Variants in PRKCQ observed in about 807,000 individuals in gnomAD.
The protein encoded by PRKCQ is protein kinase C theta type.
A neutral mutation model predicts 91.2 loss-of-function variants in PRKCQ; 41 were observed. The observed-to-expected ratio is 0.45, with a 90% confidence interval of 0.35 to 0.58. PRKCQ has a LOEUF of 0.58. PRKCQ is among the 20% of genes least tolerant of loss of function. The pLI is 0.00. For missense variants in PRKCQ, 673 were observed against 896.5 expected (o/e 0.75, Z 3.18); for synonymous variants, 307 against 316.9 (o/e 0.97, Z 0.33).
At chr10:6,489,139 T>C (rs562068904) in intron 8 of PRKCQ, among the ~76,000 whole-genome samples, 4 of 152,238 alleles carry the variant, frequency 2.6e-5, no homozygotes, top group South Asian at 2.1e-4. Flanking sequence ...AAATTCCACA[T>C]TGTCGGCAAA....
At chr10:6,482,542 G>A (rs1479787768) in intron 11 of PRKCQ, among the ~76,000 whole-genome samples, 1 of 152,180 alleles carries the variant, frequency 6.6e-6, no homozygotes, top group African/African-American at 2.4e-5. Flanking sequence ...AAACAACCCA[G>A]ACAACACCTT....
chr10:6,416,879 A>G, the PRKCQ span, among the ~76,000 whole-genome samples: 2 of 152,144 alleles, frequency 1.3e-5, no homozygotes, highest in Non-Finnish European at 2.9e-5. Context: ...AACATCTATT[A>G]TTTTTTGACT....
chr10:6,419,835 C>T, the PRKCQ span, among the ~76,000 whole-genome samples: 1 of 151,896 alleles, frequency 6.6e-6, no homozygotes, highest in Non-Finnish European at 1.5e-5. Flanking sequence ...ATTACAGGTG[C>T]ATGCCACCAT....
chr10:6,394,256 G>A, the PRKCQ span, among the ~76,000 whole-genome samples: 3 of 152,154 alleles, frequency 2.0e-5, no homozygotes, highest in South Asian at 4.1e-4. Flanking sequence ...TCCCCCATCT[G>A]CCTTTGTTGT....
intron 15 of PRKCQ, among the ~76,000 whole-genome samples, chr10:6,445,696 C>T (rs1178227294): frequency 6.6e-6 from 1 of 152,164 alleles, no homozygotes; most frequent in Non-Finnish European, 1.5e-5. Context: ...ACTCTTACCT[C>T]GATATTTACA....
downstream of PRKCQ, among the ~76,000 whole-genome samples, chr10:6,422,458 G>A (rs1171089087): frequency 6.6e-6 from 1 of 152,118 alleles, no homozygotes; most frequent in African/African-American, 2.4e-5. Flanking sequence ...TCCCCTTATG[G>A]TGATAGAGGG....
intron 8 of PRKCQ, among the ~76,000 whole-genome samples, chr10:6,489,077 G>T (rs989091205): frequency 1.1e-4 from 17 of 152,072 alleles, no homozygotes; most frequent in Non-Finnish European, 1.2e-4. Context: ...TACCGTGCCC[G>T]GCCTAAAATC....
At chr10:6,461,757 T>C (rs1835363713) in intron 14 of PRKCQ, among the ~76,000 whole-genome samples, 1 of 152,198 alleles carries the variant, frequency 6.6e-6, no homozygotes, top group African/African-American at 2.4e-5. Context: ...TAATCTGCAG[T>C]GAGTTGGAAA....
At chr10:6,478,180 G>A (rs1020698867) in intron 12 of PRKCQ, among the ~76,000 whole-genome samples, 1 of 152,206 alleles carries the variant, frequency 6.6e-6, no homozygotes, top group Non-Finnish European at 1.5e-5. Context: ...TCAAAATAGA[G>A]TGTAACAAAT....
Position 6,444,494 on chromosome 10 carries a change from G to GA in PRKCQ, c.1648-2414dup, listed in dbSNP as rs1029940043. 3.9e-4 allele frequency among the ~76,000 whole-genome samples: 59 copies of GA among 151,926 alleles called. 1 individual carries two copies. Among genetic ancestry groups the GA allele is most frequent in the African/African-American group, 1.4e-3 (57 of 41,432 alleles). On this transcript the variant is annotated intron_variant, in intron 15 of 17. Coordinates refer to ENST00000263125, the MANE Select transcript of PRKCQ (RefSeq NM_006257.5). ...AAAATTTTTTTTAATGGAAAAGAGGGAAAAAAAATCTTCGTTAATTCATGA... is the reference window on the plus strand; with the variant it reads ...AAAATTTTTTTTAATGGAAAAGAGGGAAAAAAAAATCTTCGTTAATTCATGA...
chr10:6,486,758 C>A (rs774456437), intron 8 of PRKCQ, among the ~76,000 whole-genome samples: 7 of 152,238 alleles, frequency 4.6e-5, no homozygotes, highest in Admixed American at 6.5e-5. Flanking sequence ...AATATTCCTG[C>A]CCACTCCAGT....
At chr10:6,533,399 G>A (rs560773572) in intron 1 of PRKCQ, among the ~76,000 whole-genome samples, 102 of 152,076 alleles carry the variant, frequency 6.7e-4, no homozygotes, top group Non-Finnish European at 1.1e-3. Context: ...GTTTCACCAC[G>A]TTGGCCAGGC....
chr10:6,486,853 C>A (rs888969495), intron 8 of PRKCQ, among the ~76,000 whole-genome samples: 5 of 152,192 alleles, frequency 3.3e-5, no homozygotes, highest in African/African-American at 1.2e-4. Flanking sequence ...GCAGCCTCAG[C>A]CTGCAGATGG....
chr10:6,427,049 T>C (rs1291811371), downstream of PRKCQ: 2 of 152,172 alleles, frequency 1.3e-5, no homozygotes, highest in African/African-American at 4.8e-5. Context: ...CCCCCAACTG[T>C]AAAACATCAT....
At chr10:6,449,780 A>T (rs1834548456) in intron 15 of PRKCQ, among the ~76,000 whole-genome samples, 1 of 152,230 alleles carries the variant, frequency 6.6e-6, no homozygotes, top group Non-Finnish European at 1.5e-5. Flanking sequence ...ACCAATATTC[A>T]ACATTCTTAA....
intron 14 of PRKCQ, among the ~76,000 whole-genome samples, chr10:6,457,568 A>T (rs1466037364): frequency 6.6e-6 from 1 of 152,142 alleles, no homozygotes; most frequent in Non-Finnish European, 1.5e-5. Flanking sequence ...AGATGTGGCC[A>T]CTGGGGGAAA....
At chr10:6,446,391 G>A (rs1399614188) in intron 15 of PRKCQ, among the ~76,000 whole-genome samples, 1 of 118,946 alleles carries the variant, frequency 8.4e-6, no homozygotes, top group African/African-American at 3.3e-5. Flanking sequence ...TGGAGACAGA[G>A]TCTCGCTTAT....
intron 11 of PRKCQ, among the ~76,000 whole-genome samples, chr10:6,479,502 A>C (rs1459178106): frequency 6.6e-6 from 1 of 152,218 alleles, no homozygotes; most frequent in Non-Finnish European, 1.5e-5. Flanking sequence ...TGAAGAAAGA[A>C]GAGTTGAGTG....
chr10:6,501,784 A>G (rs1449319272), intron 4 of PRKCQ, among the ~76,000 whole-genome samples: 1 of 152,072 alleles, frequency 6.6e-6, no homozygotes, highest in Non-Finnish European at 1.5e-5. Context: ...ACATAGCACC[A>G]TTGCACTCCA....
Sources: gnomAD v4.1 joint callset for allele counts (sites outside exome capture counted in the v4.1 genomes callset) on GRCh38, gnomAD v4.1.1 for gene constraint, MANE v1.5 for transcripts, NCBI Gene and HGNC (gene_info 2026-07-23, HGNC 2026-07-21) for gene names.